B4GALT5: variants seen among roughly 807,000 people sequenced by gnomAD.
The protein encoded by B4GALT5 is UDP-Gal:beta-GlcNAc beta-1,4-galactosyltransferase 5.
A neutral mutation model predicts 45.0 loss-of-function variants in B4GALT5; 11 were observed. The observed-to-expected ratio is 0.24, with a 90% CI of 0.15 to 0.40. The LOEUF is 0.40. Among genes scored for constraint, B4GALT5 ranks in the 10% least tolerant of loss-of-function variants. B4GALT5 has a pLI of 1.00. For synonymous variants in B4GALT5, 185 were observed against 182.9 expected (o/e 1.01, Z -0.09); for missense variants, 337 against 500.2 (o/e 0.67, Z 3.11).
chr20:49,666,270 A>C (rs990689950), intron 1 of B4GALT5, among the ~76,000 whole-genome samples: 1 of 152,058 alleles, frequency 6.6e-6, no homozygotes, highest in East Asian at 1.9e-4. Context: ...ATGCAGAGGA[A>C]CACCACATCT....
At chr20:49,681,209 C>A in intron 1 of B4GALT5, among the ~76,000 whole-genome samples, 1 of 102,960 alleles carries the variant, frequency 9.7e-6, no homozygotes, top group Non-Finnish European at 1.8e-5. Flanking sequence ...GAGCAAGACC[C>A]CATCTCTAAA....
chr20:49,668,756 G>A (rs1190637660), intron 1 of B4GALT5, among the ~76,000 whole-genome samples: 1 of 151,130 alleles, frequency 6.6e-6, no homozygotes, highest in Admixed American at 6.6e-5. Flanking sequence ...GTCCGTCACC[G>A]CCCCCACTCC....
At chr20:49,710,947 G>T (rs1229495884) in intron 1 of B4GALT5, among the ~76,000 whole-genome samples, 1 of 151,980 alleles carries the variant, frequency 6.6e-6, no homozygotes, top group Non-Finnish European at 1.5e-5. Context: ...GCCAGGCAGG[G>T]TGGCATGTAC....
intron 1 of B4GALT5, among the ~76,000 whole-genome samples, chr20:49,671,024 GACTA>G (rs2085713696): frequency 6.6e-6 from 1 of 152,174 alleles, no homozygotes; most frequent in African/African-American, 2.4e-5. Flanking sequence ...ATCAGACCAT[GACTA>G]ACTCAGCTAT....
chr20:49,675,972 CA>C (rs2085735388), intron 1 of B4GALT5, among the ~76,000 whole-genome samples: 2 of 152,014 alleles, frequency 1.3e-5, no homozygotes, highest in Admixed American at 6.6e-5. Flanking sequence ...TGTTGAATTC[CA>C]ACATGTCTGT....
chr20:49,655,305 C>T (rs919642506), intron 2 of B4GALT5, among the ~76,000 whole-genome samples: 2 of 151,862 alleles, frequency 1.3e-5, no homozygotes, highest in African/African-American at 4.8e-5. Context: ...GTGGCGCACA[C>T]CTGTAACCCC....
chr20:49,667,282 C>T (rs6067172), intron 1 of B4GALT5, among the ~76,000 whole-genome samples: 69,672 of 149,134 alleles, frequency 0.47, 17,241 homozygotes, highest in South Asian at 0.65. Context: ...GACGGACTCT[C>T]GCTGTCACCC....
intron 1 of B4GALT5, among the ~76,000 whole-genome samples, chr20:49,703,761 C>T (rs1378851436): frequency 8.0e-6 from 1 of 124,916 alleles, no homozygotes; most frequent in African/African-American, 3.1e-5. Flanking sequence ...TCATGGTGCT[C>T]GCCTGTAATC....
At chr20:49,681,312 C>T (rs1236028024) in intron 1 of B4GALT5, among the ~76,000 whole-genome samples, 2 of 151,090 alleles carry the variant, frequency 1.3e-5, no homozygotes, top group Non-Finnish European at 1.5e-5. Flanking sequence ...TTAAAATTCA[C>T]GTTAAGAGTC....
intron 1 of B4GALT5, among the ~76,000 whole-genome samples, chr20:49,681,210 C>A (rs1190066885): frequency 1.2e-5 from 1 of 85,598 alleles, no homozygotes; most frequent in African/African-American, 5.9e-5. Context: ...AGCAAGACCC[C>A]ATCTCTAAAA....
intron 1 of B4GALT5, chr20:49,684,748 G>A (rs1467083207): frequency 1.3e-5 from 6 of 475,400 alleles, no homozygotes; most frequent in Non-Finnish European, 2.1e-5. Context: ...CAATTCCCCA[G>A]AGAACAGAGG....
intron 1 of B4GALT5, among the ~76,000 whole-genome samples, chr20:49,689,378 A>G (rs2085800593): frequency 1.3e-5 from 2 of 152,212 alleles, no homozygotes; most frequent in Admixed American, 6.5e-5. Context: ...GTGTGATTCA[A>G]TGGATCCGTT....
intron 1 of B4GALT5, among the ~76,000 whole-genome samples, chr20:49,690,855 G>T (rs542061033): frequency 6.6e-6 from 1 of 152,160 alleles, no homozygotes; most frequent in East Asian, 1.9e-4. Flanking sequence ...CCCTGAAATT[G>T]CAATTTATCT....
intron 1 of B4GALT5, among the ~76,000 whole-genome samples, chr20:49,693,650 A>T (rs2085825626): frequency 6.6e-6 from 1 of 152,244 alleles, no homozygotes; most frequent in African/African-American, 2.4e-5. Context: ...TCATGGTTAC[A>T]TATCATCAAG....
chr20:49,674,218 AGACTCCATCTC>A, intron 1 of B4GALT5, among the ~76,000 whole-genome samples: 1 of 149,236 alleles, frequency 6.7e-6, no homozygotes, highest in Admixed American at 6.7e-5. Flanking sequence ...CGACAGAGCA[AGACTCCATCTC>A]AAAAAAAAAA....
chr20:49,669,848 A>G (rs1298948283), intron 1 of B4GALT5, among the ~76,000 whole-genome samples: 1 of 151,536 alleles, frequency 6.6e-6, no homozygotes, highest in Non-Finnish European at 1.5e-5. Context: ...TGAAACTGAT[A>G]CTTCACCAAC....
intron 1 of B4GALT5, among the ~76,000 whole-genome samples, chr20:49,676,614 C>T (rs2085738527): frequency 6.6e-6 from 1 of 152,338 alleles, no homozygotes; most frequent in East Asian, 1.9e-4. Context: ...TAAGAAGGCC[C>T]ATTGCTCTTG....
intron 1 of B4GALT5, among the ~76,000 whole-genome samples, chr20:49,687,825 C>T (rs1237791171): frequency 6.6e-6 from 1 of 151,830 alleles, no homozygotes. Flanking sequence ...TGACTGAGAG[C>T]CTGTGGCAGA....
chr20:49,646,939 G>A, intron 3 of B4GALT5, 26 bp downstream of exon 3: 1 of 1,468,274 alleles, frequency 6.8e-7, no homozygotes, highest in South Asian at 1.2e-5. Flanking sequence ...TAAAAGCAGA[G>A]GAAGACAGGC....
Sources: allele counts gnomAD v4.1 joint callset (sites outside exome capture counted in the v4.1 genomes callset), GRCh38; gene constraint gnomAD v4.1.1; transcripts MANE v1.5; gene names NCBI Gene and HGNC (gene_info 2026-07-23, HGNC 2026-07-21).